HNRNPLL: variants seen among roughly 807,000 people sequenced by gnomAD.
HNRNPLL encodes heterogeneous nuclear ribonucleoprotein L-like.
HNRNPLL carries 25 observed loss-of-function variants against 67.1 expected under a neutral mutation model. The ratio of observed to expected loss-of-function variants is 0.37; its 90% CI spans 0.27 to 0.52. The LOEUF (loss-of-function observed/expected upper bound fraction) is 0.52, where lower values mean the gene tolerates loss of function less well. HNRNPLL is among the 20% of genes least tolerant of loss of function. HNRNPLL has a pLI of 0.90. For missense variants in HNRNPLL, 542 were observed against 673.9 expected, an observed-to-expected ratio of 0.80 and a Z score of 2.17; for synonymous variants, 267 against 241.7, an observed-to-expected ratio of 1.10 and a Z score of -0.97.
intron 7 of HNRNPLL, among the ~76,000 whole-genome samples, chr2:38,573,791 T>C (rs1237903852): frequency 1.3e-5 from 2 of 151,856 alleles, no homozygotes; most frequent in Non-Finnish European, 1.5e-5. Context: ...CTCCTGCCAA[T>C]GTCTTTTGGA....
In HNRNPLL at chr2:38,569,255, T is replaced by C. The variant is rs528598711; in HGVS notation, c.1294A>G (p.Met432Val). 8 of 1,613,008 alleles carry C rather than the reference T, an allele frequency of 5.0e-6. No homozygotes were observed. Among genetic ancestry groups the C allele is most frequent in the African/African-American group, 1.3e-5 (1 of 75,020 alleles). ...DGTSSYKDFA[M>V]SKNNRFTSAG... The stretch of plus-strand genomic sequence containing the variant: ...CTTGTAAAGCGATTATTTTTGCTCA[T>C]TGCAAAATCTTTGTAGCTGCTGGTA... The change falls in exon 10 of 13, where the codon ATG becomes GTG. Residue 432 changes from methionine to valine, a missense_variant. Physicochemically the swap from Met to Val is conservative, Grantham distance 21. This residue lies in a region of HNRNPLL where 415 missense variants were observed against 575.2 expected (regional missense o/e 0.72). Transcript: ENST00000449105.
chr2:38,563,964 GTAGA>G lies in HNRNPLL; in HGVS notation c.*214_*217del, dbSNP rs1665750625. On this transcript the variant is annotated 3_prime_UTR_variant, in exon 13 of 13. Transcript: ENST00000449105. Reference sequence around the variant, plus strand: ...TATCTGTATAATCTACAATGAAGCTGTAGATAGTCTACATTATGATATTCTATCT... The same window carrying G: ...TATCTGTATAATCTACAATGAAGCTGTAGTCTACATTATGATATTCTATCT... 2.1e-6 allele frequency: 1 copy of G among 485,642 alleles called. No homozygotes were observed. Among genetic ancestry groups the G allele is most frequent in the East Asian group, 3.6e-5 (1 of 28,128 alleles). 30.1% of individuals were successfully genotyped at this position (485,642 alleles called of 1,614,324 possible). A position where few individuals can be genotyped will look rare whatever the true frequency, so the allele number is the denominator to read the frequency against.
chr2:38,565,245 C>A (rs1243660158), intron 12 of HNRNPLL, among the ~76,000 whole-genome samples: 1 of 151,980 alleles, frequency 6.6e-6, no homozygotes, highest in Non-Finnish European at 1.5e-5. Context: ...GTACAAGACA[C>A]TGCAGAGGAT....
intron 3 of HNRNPLL, among the ~76,000 whole-genome samples, chr2:38,585,265 T>C (rs1666681156): frequency 6.6e-6 from 1 of 152,244 alleles, no homozygotes; most frequent in African/African-American, 2.4e-5. Flanking sequence ...CATAATGATA[T>C]GTGCATCTTA....
Position 38,591,641 on chromosome 2 carries a change from C to G in HNRNPLL, c.197G>C (p.Gly66Ala). 6.2e-7 allele frequency: 1 copy of G among 1,605,178 alleles called. No individual in the cohort carries two copies. Among genetic ancestry groups the G allele is most frequent in the Non-Finnish European group, 8.5e-7 (1 of 1,172,116 alleles). The change falls in exon 2 of 13, where the codon GGT (glycine) becomes GCT (alanine). Residue 66 changes from glycine to alanine, a missense_variant. Physicochemically the swap from Gly to Ala is moderately conservative, Grantham distance 60 (BLOSUM62 0). Around this residue, in one of 2 missense-constraint regions of HNRNPLL, gnomAD observed 127 missense variants for 98.7 expected, o/e 1.29. Transcript: ENST00000449105. The stretch of plus-strand genomic sequence containing the variant: ...AACAGAAACTTTATGATGACTTCCA[C>G]CTGCCTCCTAGCAAGAGAAAATAAT... ...GGRSFSQPEA[G>A]GSHHKVSVSP...
Position 38,585,805 on chromosome 2 carries a change from T to C in HNRNPLL, c.385A>G (p.Thr129Ala), listed in dbSNP as rs1573744189. 6.2e-7 allele frequency: 1 copy of C among 1,614,066 alleles called. No individual in the cohort carries two copies. The highest frequency in any genetic ancestry group is 8.5e-7 in the Non-Finnish European group (1 of 1,179,934). Residue 129 changes from threonine to alanine, a missense_variant, in exon 3 of 13, where the codon ACA (threonine) becomes GCA (alanine). This residue lies in a region of HNRNPLL where 415 missense variants were observed against 575.2 expected (regional missense o/e 0.72). Coordinates refer to ENST00000449105, the MANE Select transcript of HNRNPLL (RefSeq NM_138394.4). Reference protein sequence around the residue: ...ENIDSAKECVTFAADEPVYIA... With the variant: ...ENIDSAKECVAFAADEPVYIA... Reference sequence around the variant, plus strand: ...TACACGGGTTCATCTGCAGCAAATGTCACACATTCTTTGGCACTATCTATG... The same window carrying C: ...TACACGGGTTCATCTGCAGCAAATGCCACACATTCTTTGGCACTATCTATG...
At chr2:38,594,904 A>C (rs1345446978) in intron 1 of HNRNPLL, among the ~76,000 whole-genome samples, 1 of 152,126 alleles carries the variant, frequency 6.6e-6, no homozygotes, top group Admixed American at 6.5e-5. Flanking sequence ...AGATCACATC[A>C]TTGTACTCCA....
intron 12 of HNRNPLL, among the ~76,000 whole-genome samples, chr2:38,566,760 G>A (rs1665877263): frequency 6.6e-6 from 1 of 150,818 alleles, no homozygotes; most frequent in Middle Eastern, 3.4e-3. Context: ...GAGGCAGGAG[G>A]ATCACTTGAG....
intron 2 of HNRNPLL, among the ~76,000 whole-genome samples, chr2:38,590,860 C>T (rs981154905): frequency 2.0e-5 from 3 of 151,978 alleles, no homozygotes; most frequent in East Asian, 3.9e-4. Context: ...TTTAAATTAC[C>T]CGGGCATAGT....
intron 1 of HNRNPLL, 100 bp downstream of exon 1, chr2:38,602,338 G>T (rs1339132321): frequency 1.7e-5 from 20 of 1,180,222 alleles, no homozygotes; most frequent in Non-Finnish European, 2.4e-5. Context: ...GGTCGGCGCA[G>T]CGGAAAAGGC....
chr2:38,573,162 T>A (rs780584851), intron 8 of HNRNPLL, 48 bp downstream of exon 8: 7 of 1,269,026 alleles, frequency 5.5e-6, no homozygotes, highest in Non-Finnish European at 7.8e-6. Context: ...TTTTCAGAGT[T>A]ACCACTGAAT....
intron 8 of HNRNPLL, among the ~76,000 whole-genome samples, chr2:38,572,458 A>C (rs1212245646): frequency 2.6e-5 from 4 of 152,142 alleles, no homozygotes; most frequent in Non-Finnish European, 5.9e-5. Flanking sequence ...TTACTACAGT[A>C]CTAAAACTCA....
intron 2 of HNRNPLL, among the ~76,000 whole-genome samples, chr2:38,587,964 C>T (rs1052313480): frequency 3.3e-5 from 5 of 152,000 alleles, no homozygotes; most frequent in Non-Finnish European, 5.9e-5. Context: ...TGTGCGCGCT[C>T]TCTCTCCTCT....
chr2:38,569,779 T>C (rs1167440139), intron 9 of HNRNPLL, 25 bp downstream of exon 9: 1 of 1,203,070 alleles, frequency 8.3e-7, no homozygotes, highest in Admixed American at 2.4e-5. Context: ...TTTTTTAAAA[T>C]TTATCATTTA....
chr2:38,584,412 C>A (rs1028436849), intron 3 of HNRNPLL, among the ~76,000 whole-genome samples: 3 of 152,170 alleles, frequency 2.0e-5, no homozygotes, highest in Admixed American at 2.0e-4. Flanking sequence ...CTACACAATA[C>A]ACCCACATTA....
chr2:38,584,065 T>C (rs1666635165), intron 3 of HNRNPLL, 139 bp from the exon 4 acceptor site: 1 of 454,420 alleles, frequency 2.2e-6, no homozygotes, highest in Admixed American at 4.2e-5. Flanking sequence ...TTCTTAAAAT[T>C]ATTACTTTTT....
intron 1 of HNRNPLL, among the ~76,000 whole-genome samples, chr2:38,594,511 G>GA (rs1254762039): frequency 6.6e-6 from 1 of 151,992 alleles, no homozygotes; most frequent in Non-Finnish European, 1.5e-5. Context: ...CAGATGTAGA[G>GA]AAAAAAACCC....
Position 38,564,101 on chromosome 2 carries a change from C to A in HNRNPLL, c.*81G>T. On this transcript the variant is annotated 3_prime_UTR_variant, in exon 13 of 13. Coordinates refer to ENST00000449105, the MANE Select transcript of HNRNPLL (RefSeq NM_138394.4). ...GTAAGCAAGGCAACATGAGATCAACCATTTTAGATTTTTTTTTAATGAAGT... is the reference window on the plus strand; with the variant it reads ...GTAAGCAAGGCAACATGAGATCAACAATTTTAGATTTTTTTTTAATGAAGT... 2.3e-6 allele frequency: 2 copies of A among 876,446 alleles called. No individual in the cohort carries two copies. The highest frequency in any genetic ancestry group is 1.9e-6 in the Non-Finnish European group (1 of 520,330). 54.3% of individuals were successfully genotyped at this position (876,446 alleles called of 1,614,324 possible). A position where few individuals can be genotyped will look rare whatever the true frequency, so the allele number is the denominator to read the frequency against.
At chr2:38,591,742 A>G (rs1482840586) in intron 1 of HNRNPLL, 94 bp from the exon 2 acceptor site, 1 of 690,328 alleles carries the variant, frequency 1.4e-6, no homozygotes, top group Non-Finnish European at 2.5e-6. Context: ...TTGGGAGGTC[A>G]AAGTGGGAGG....
Sources: gnomAD v4.1 joint callset for allele counts (sites outside exome capture counted in the v4.1 genomes callset) on GRCh38, gnomAD v4.1.1 for gene constraint, gnomAD v4.1.1 regional missense constraint, MANE v1.5 for transcripts, NCBI Gene and HGNC (gene_info 2026-07-23, HGNC 2026-07-21) for gene names.